The following MSRB3 variants were observed in gnomAD, a reference collection of about 807,000 sequenced individuals.
MSRB3 encodes methionine-R-sulfoxide reductase B3.
In MSRB3, 13 loss-of-function variants were observed where a neutral mutation model predicts 21.0. The observed-to-expected ratio is 0.62, with a 90% CI of 0.40 to 0.98. The LOEUF (loss-of-function observed/expected upper bound fraction) is 0.98, where lower values mean the gene tolerates loss of function less well. Among genes scored for constraint, MSRB3 ranks in the 50% least tolerant of loss-of-function variants. The pLI is 0.00. For missense variants in MSRB3, 199 were observed against 230.3 expected, an observed-to-expected ratio of 0.86 and a Z score of 0.88; for synonymous variants, 87 against 88.6, an observed-to-expected ratio of 0.98 and a Z score of 0.10.
chr12:65,338,318 T>C (rs1469966846), intron 4 of MSRB3, among the ~76,000 whole-genome samples: 1 of 152,218 alleles, frequency 6.6e-6, no homozygotes, highest in African/African-American at 2.4e-5. Context: ...CACAGTATTC[T>C]GTAATACAGA....
In MSRB3 at chr12:65,288,666, C is replaced by T. The variant is rs1226036135; in HGVS notation, c.-52+9801C>T. On this transcript the variant is annotated intron_variant, in intron 1 of 6. Transcript: ENST00000308259. ...TAGAAATTATGTCTTTCTAAATGTA[C>T]AGCTGGGAATTGCTTATTTATGCTT... Among the ~76,000 whole-genome samples the T allele has an allele frequency of 5.3e-5, 8 of 152,160 alleles. No homozygotes were observed. The East Asian group carries it at 1.5e-3, about 29-fold the overall frequency.
At chr12:65,349,932 T>G (rs1876820594) in intron 4 of MSRB3, among the ~76,000 whole-genome samples, 1 of 151,996 alleles carries the variant, frequency 6.6e-6, no homozygotes, top group Non-Finnish European at 1.5e-5. Flanking sequence ...CATTTGTCAA[T>G]TTTGTCTTTT....
chr12:65,300,568 G>T (rs1873262090), intron 1 of MSRB3, among the ~76,000 whole-genome samples: 1 of 152,284 alleles, frequency 6.6e-6, no homozygotes, highest in African/African-American at 2.4e-5. Flanking sequence ...TTAAAATAAA[G>T]TTTAGTTCAA....
chr12:65,376,159 G>T (rs1437718949), intron 5 of MSRB3, among the ~76,000 whole-genome samples: 91 of 135,040 alleles, frequency 6.7e-4, no homozygotes, highest in African/African-American at 2.4e-3. Flanking sequence ...TCGCTCTTTC[G>T]CCCAGGCCAG....
intron 4 of MSRB3, among the ~76,000 whole-genome samples, chr12:65,352,557 A>C (rs1440581575): frequency 3.3e-5 from 5 of 151,996 alleles, no homozygotes; most frequent in Admixed American, 2.6e-4. Flanking sequence ...TTGTATATCT[A>C]GAAAACCCCA....
At chr12:65,406,574 AAT>A (rs1592607129) in intron 5 of MSRB3, among the ~76,000 whole-genome samples, 2 of 152,240 alleles carry the variant, frequency 1.3e-5, no homozygotes, top group East Asian at 3.8e-4. Flanking sequence ...TTTTCACAGA[AAT>A]AGAAAAAATA....
At chr12:65,309,738 G>A (rs1456542881) in intron 2 of MSRB3, among the ~76,000 whole-genome samples, 1 of 152,140 alleles carries the variant, frequency 6.6e-6, no homozygotes, top group Non-Finnish European at 1.5e-5. Flanking sequence ...AGCACAGTTA[G>A]CCTGGTTTCT....
rs1300938434 is a variant in MSRB3, at chr12:65,465,794, C to T, written c.*2472C>T. The T allele has an allele frequency of 6.6e-6, 1 of 152,242 alleles. No individual in the cohort carries two copies. The highest frequency in any genetic ancestry group is 1.5e-5 in the Non-Finnish European group (1 of 68,068). 9.4% of individuals were successfully genotyped at this position (152,242 alleles called of 1,614,324 possible). On this transcript the variant is annotated 3_prime_UTR_variant, in exon 7 of 7. Coordinates refer to ENST00000308259, the MANE Select transcript of MSRB3 (RefSeq NM_001031679.3). The stretch of plus-strand genomic sequence containing the variant: ...AAGACCAGACCTCAGCCATCAGCGT[C>T]CAGACCATCCTAGAAGTCTTTCCCA...
chr12:65,431,437 A>C (rs947500407), intron 5 of MSRB3, among the ~76,000 whole-genome samples: 1 of 151,968 alleles, frequency 6.6e-6, no homozygotes, highest in African/African-American at 2.4e-5. Context: ...CTGTGAATAC[A>C]TCCCAGCGAT....
intron 5 of MSRB3, among the ~76,000 whole-genome samples, chr12:65,449,682 T>C (rs1051918684): frequency 3.3e-5 from 5 of 152,212 alleles, no homozygotes; most frequent in Non-Finnish European, 7.3e-5. Context: ...TTCTCATTCA[T>C]GAGTAGTTTC....
At chr12:65,400,784 A>G (rs2336712) in intron 5 of MSRB3, among the ~76,000 whole-genome samples, 101,233 of 151,968 alleles carry the variant, frequency 0.67, 33,902 homozygotes, top group Admixed American at 0.73. Context: ...TGCTTTAGCT[A>G]TGTCCCAGAG....
At chr12:65,420,427 A>T (rs1205219591) in intron 5 of MSRB3, among the ~76,000 whole-genome samples, 3 of 150,064 alleles carry the variant, frequency 2.0e-5, no homozygotes, top group Non-Finnish European at 1.5e-5. Flanking sequence ...ATTTCTGTTT[A>T]ATATGTCACT....
intron 4 of MSRB3, among the ~76,000 whole-genome samples, chr12:65,345,373 G>A (rs184629040): frequency 1.1e-4 from 16 of 152,096 alleles, no homozygotes; most frequent in East Asian, 3.9e-4. Context: ...GGGAAACACC[G>A]AATTAAAATA....
At chr12:65,290,637 T>C (rs1872617225) in intron 1 of MSRB3, among the ~76,000 whole-genome samples, 1 of 152,232 alleles carries the variant, frequency 6.6e-6, no homozygotes, top group Non-Finnish European at 1.5e-5. Flanking sequence ...GTTATCCTTC[T>C]AAAATATTTC....
chr12:65,333,204 AT>A (rs1296174392), intron 4 of MSRB3, among the ~76,000 whole-genome samples: 1 of 152,202 alleles, frequency 6.6e-6, no homozygotes, highest in African/African-American at 2.4e-5. Flanking sequence ...TTTATGAAAT[AT>A]TTTTTTCCTC....
chr12:65,400,353 C>T (rs1459825312), intron 5 of MSRB3, among the ~76,000 whole-genome samples: 2 of 151,838 alleles, frequency 1.3e-5, no homozygotes, highest in Admixed American at 6.6e-5. Context: ...TGTATATGTC[C>T]AGGAATTTAT....
At chr12:65,451,642 C>T (rs530972454) in intron 5 of MSRB3, among the ~76,000 whole-genome samples, 3 of 152,218 alleles carry the variant, frequency 2.0e-5, no homozygotes, top group Admixed American at 1.3e-4. Context: ...TTCTCCTCTC[C>T]TAAATACACA....
At chr12:65,426,584 A>T (rs1320831624) in intron 5 of MSRB3, among the ~76,000 whole-genome samples, 1 of 152,130 alleles carries the variant, frequency 6.6e-6, no homozygotes, top group Non-Finnish European at 1.5e-5. Context: ...GGATATTTGT[A>T]TCTTTCCCTA....
chr12:65,279,123 C>G, intron 1 of MSRB3: 2 of 1,350,652 alleles, frequency 1.5e-6, no homozygotes, highest in East Asian at 2.8e-5. Flanking sequence ...GGCAGCCTCA[C>G]TGACACCTTA....
Sources: allele counts gnomAD v4.1 joint callset (sites outside exome capture counted in the v4.1 genomes callset), GRCh38; gene constraint gnomAD v4.1.1; transcripts MANE v1.5; gene names NCBI Gene and HGNC (gene_info 2026-07-23, HGNC 2026-07-21).